NUP133: variants seen among roughly 807,000 people sequenced by gnomAD.
NUP133 encodes the protein nucleoporin 133.
In NUP133, 66 loss-of-function variants were observed where a neutral mutation model predicts 146.2. The ratio of observed to expected loss-of-function variants is 0.45; its 90% confidence interval spans 0.37 to 0.55. The LOEUF (loss-of-function observed/expected upper bound fraction) is 0.55. Ranked by LOEUF, NUP133 falls within the 20% of genes least tolerant of loss-of-function variation. The pLI, the probability that NUP133 is intolerant of heterozygous loss-of-function variation, is 0.00. For missense variants in NUP133, 1,277 were observed against 1,374.8 expected, an observed-to-expected ratio of 0.93 and a Z score of 1.12; for synonymous variants, 521 against 498.8, an observed-to-expected ratio of 1.04 and a Z score of -0.59.
chr1:229,479,592 A>G (rs1160368944), intron 12 of NUP133, among the ~76,000 whole-genome samples: 1 of 152,182 alleles, frequency 6.6e-6, no homozygotes, highest in Non-Finnish European at 1.5e-5. Context: ...GTTGCTTTGA[A>G]CTGAAGAGAT....
rs1219802584 is a variant in NUP133, at chr1:229,463,648, A to G, written c.2580T>C (p.Ala860=). Reference sequence around the variant, plus strand: ...AGTCACAGTATTTCTCTGCTAGAGAAGCAGCCCACAGGTACTGGCCTAGTG... The same window carrying G: ...AGTCACAGTATTTCTCTGCTAGAGAGGCAGCCCACAGGTACTGGCCTAGTG... ...LLSLGQYLWA[A]SLAEKYCDFD... Residue 860 remains alanine, a synonymous_variant, in exon 19 of 26, where the codon GCT becomes GCC. Coordinates refer to ENST00000261396, the MANE Select transcript of NUP133 (RefSeq NM_018230.3). 2 of 1,613,916 alleles carry G rather than the reference A, an allele frequency of 1.2e-6. No homozygotes were observed. Among genetic ancestry groups the G allele is most frequent in the African/African-American group, 1.3e-5 (1 of 74,906 alleles).
intron 8 of NUP133, among the ~76,000 whole-genome samples, chr1:229,493,152 T>A (rs1661565609): frequency 6.6e-6 from 1 of 152,192 alleles, no homozygotes; most frequent in Admixed American, 6.5e-5. Flanking sequence ...GTATTAGTAA[T>A]CATCTAGTAA....
intron 23 of NUP133, 151 bp from the exon 24 acceptor site, chr1:229,449,341 C>T (rs1660388155): frequency 1.7e-6 from 1 of 591,110 alleles, no homozygotes; most frequent in African/African-American, 1.9e-5. Context: ...ATGATTTTAT[C>T]AGCAACCTTG....
At chr1:229,482,957 T>C (rs1421050272) in intron 12 of NUP133, among the ~76,000 whole-genome samples, 3 of 152,090 alleles carry the variant, frequency 2.0e-5, no homozygotes, top group African/African-American at 4.8e-5. Flanking sequence ...CAGACCAAAA[T>C]GAGTGAGCCT....
In NUP133 at chr1:229,452,152, G is replaced by A. The variant is rs1028469563; in HGVS notation, c.3099+373C>T. On this transcript the variant is annotated intron_variant, in intron 22 of 25. Coordinates refer to ENST00000261396, the MANE Select transcript of NUP133 (RefSeq NM_018230.3). Reference sequence around the variant, plus strand: ...GAAAGGGGTAAGGACAGAACTGCTAGACCATGTAAACTGAGTTCCTTAATC... The same window carrying A: ...GAAAGGGGTAAGGACAGAACTGCTAAACCATGTAAACTGAGTTCCTTAATC... Among the ~76,000 whole-genome samples, 4 of 152,196 alleles carry A rather than the reference G, an allele frequency of 2.6e-5. No individual in the cohort carries two copies. The East Asian group carries it at 5.8e-4, about 22-fold the overall frequency.
intron 21 of NUP133, among the ~76,000 whole-genome samples, chr1:229,454,523 A>T (rs1660521027): frequency 6.6e-6 from 1 of 152,102 alleles, no homozygotes; most frequent in South Asian, 2.1e-4. Context: ...TTCCTATTGA[A>T]TTTTTTCTAT....
intron 15 of NUP133, 123 bp from the exon 16 acceptor site, chr1:229,466,879 G>T: frequency 2.9e-6 from 2 of 685,092 alleles, no homozygotes; most frequent in Non-Finnish European, 4.3e-6. Context: ...AAATTTATTG[G>T]CAGTTGATGG....
intron 8 of NUP133, among the ~76,000 whole-genome samples, chr1:229,492,809 C>T (rs1661558850): frequency 6.6e-6 from 1 of 151,930 alleles, no homozygotes; most frequent in Admixed American, 6.6e-5. Flanking sequence ...ATATTGGATA[C>T]AGTGTACACT....
chr1:229,463,971 C>T (rs1660754073), intron 18 of NUP133, among the ~76,000 whole-genome samples: 1 of 152,042 alleles, frequency 6.6e-6, no homozygotes. Context: ...TATGGTGAAA[C>T]CCCATCCCTA....
At chr1:229,482,964 G>A (rs1661254620) in intron 12 of NUP133, among the ~76,000 whole-genome samples, 1 of 152,206 alleles carries the variant, frequency 6.6e-6, no homozygotes, top group Non-Finnish European at 1.5e-5. Context: ...AAATGAGTGA[G>A]CCTACTCCGA....
At chr1:229,457,590 ATTTTG>A (rs557847572) in intron 21 of NUP133, among the ~76,000 whole-genome samples, 4 of 152,090 alleles carry the variant, frequency 2.6e-5, no homozygotes, top group East Asian at 3.9e-4. Flanking sequence ...AATTTGCATT[ATTTTG>A]TTTTAATTTT....
chr1:229,456,953 CA>C (rs1422790093), intron 21 of NUP133, among the ~76,000 whole-genome samples: 1 of 151,322 alleles, frequency 6.6e-6, no homozygotes, highest in East Asian at 1.9e-4. Flanking sequence ...TCAGCCTCCC[CA>C]GTAGCTGGGA....
chr1:229,441,382 T>C lies in NUP133; in HGVS notation c.*522A>G, dbSNP rs1312527602. 3.8e-6 allele frequency: 2 copies of C among 530,820 alleles called. No individual in the cohort carries two copies. The highest frequency in any genetic ancestry group is 1.1e-4 in the East Asian group (2 of 18,366). 32.9% of individuals were successfully genotyped at this position (530,820 alleles called of 1,614,324 possible). A position where few individuals can be genotyped will look rare whatever the true frequency, so the allele number is the denominator to read the frequency against. On this transcript the variant is annotated 3_prime_UTR_variant, in exon 26 of 26. Coordinates refer to ENST00000261396, the MANE Select transcript of NUP133 (RefSeq NM_018230.3). ...TCATCAGTTATCAAGCTCACATGAGTTAGGCCCACTCTCCTTTGGTTTTTC... is the reference window on the plus strand; with the variant it reads ...TCATCAGTTATCAAGCTCACATGAGCTAGGCCCACTCTCCTTTGGTTTTTC...
chr1:229,507,008 C>G (rs1661961242), intron 1 of NUP133, among the ~76,000 whole-genome samples: 1 of 152,010 alleles, frequency 6.6e-6, no homozygotes, highest in Admixed American at 6.6e-5. Flanking sequence ...TGTCTTATCA[C>G]GAGAATTAAA....
At chr1:229,494,311 A>C (rs1176812007) in intron 8 of NUP133, among the ~76,000 whole-genome samples, 1 of 152,172 alleles carries the variant, frequency 6.6e-6, no homozygotes. Context: ...TAGCTTTTAT[A>C]AGGTTTTCAG....
chr1:229,489,850 TG>T, intron 9 of NUP133, 104 bp downstream of exon 9: 3 of 1,064,822 alleles, frequency 2.8e-6, no homozygotes, highest in Non-Finnish European at 3.8e-6. Flanking sequence ...CACTCCAGCC[TG>T]GGTGACAGAG....
In NUP133 at chr1:229,460,741, T is replaced by A; in HGVS notation, c.2714A>T (p.Tyr905Phe). 1 of 1,613,266 alleles carries A rather than the reference T, an allele frequency of 6.2e-7. No individual in the cohort carries two copies. Among genetic ancestry groups the A allele is most frequent in the Non-Finnish European group, 8.5e-7 (1 of 1,179,688 alleles). The change falls in exon 20 of 26, where the codon TAT becomes TTT. Residue 905 changes from tyrosine (Y) to phenylalanine (F), a missense_variant. This residue lies in a region of NUP133 where 952 missense variants were observed against 1,047.0 expected (regional missense o/e 0.91). Coordinates refer to ENST00000261396, the MANE Select transcript of NUP133 (RefSeq NM_018230.3). The part of the protein sequence containing the change: ...QNFSDFLFRW[Y>F]LEKGKRGKLL... Reference sequence around the variant, plus strand: ...TTTGCCTCGCTTTCCTTTCTCCAGATACCAACGGAAGAGAAAGTCTGAAAA... The same window carrying A: ...TTTGCCTCGCTTTCCTTTCTCCAGAAACCAACGGAAGAGAAAGTCTGAAAA...
chr1:229,490,416 A>T (rs1041915286), intron 8 of NUP133, among the ~76,000 whole-genome samples: 2 of 152,124 alleles, frequency 1.3e-5, no homozygotes, highest in African/African-American at 2.4e-5. Context: ...AAAAAAAAAA[A>T]AAATACTGAA....
At position 229,477,753 on chromosome 1, in the gene NUP133, A is replaced by T; in HGVS notation, c.1600T>A (p.Leu534Ile). 6.2e-7 allele frequency: 1 copy of T among 1,603,674 alleles called. No homozygotes were observed. The highest frequency in any genetic ancestry group is 8.5e-7 in the Non-Finnish European group (1 of 1,174,420). ...AAFLQYCRKD[L>I]GHAQMVVDEL... The stretch of plus-strand genomic sequence containing the variant: ...TCAACCACCATTTGAGCATGACCTA[A>T]ATCTTTTCTGAAATAAAATTGGAAA... The change falls in exon 13 of 26, where the codon TTA becomes ATA. Residue 534 changes from leucine (L) to isoleucine (I), a missense_variant. By Grantham distance (5) the Leu-to-Ile change is conservative. Transcript: ENST00000261396.
Sources: allele counts gnomAD v4.1 joint callset (sites outside exome capture counted in the v4.1 genomes callset), GRCh38; gene constraint gnomAD v4.1.1; regional missense constraint gnomAD v4.1.1; transcripts MANE v1.5; gene names NCBI Gene and HGNC (gene_info 2026-07-23, HGNC 2026-07-21).